Variants in POLE observed in about 807,000 individuals in gnomAD.
POLE encodes the protein DNA polymerase epsilon catalytic subunit A.
POLE carries 188 observed loss-of-function variants against 279.2 expected under a neutral mutation model. The observed-to-expected ratio is 0.67, with a 90% CI of 0.60 to 0.76. POLE has a LOEUF of 0.76. Among genes scored for constraint, POLE ranks in the 30% least tolerant of loss-of-function variants. The probability of loss-of-function intolerance (pLI) is 0.00; values close to 1 mark genes in which losing one functional copy is unlikely to be tolerated. For missense variants in POLE, 2,703 were observed against 3,016.7 expected, an observed-to-expected ratio of 0.90 and a Z score of 2.44; for synonymous variants, 1,214 against 1,172.5, an observed-to-expected ratio of 1.04 and a Z score of -0.72.
In POLE at chr12:132,661,053, G is replaced by GATCTTAATCA; in HGVS notation, c.2975_2976insTGATTAAGAT (p.Phe993AspfsTer2). 1 of 1,614,032 alleles carries GATCTTAATCA rather than the reference G, an allele frequency of 6.2e-7. No homozygotes were observed. Among genetic ancestry groups the GATCTTAATCA allele is most frequent in the Non-Finnish European group, 8.5e-7 (1 of 1,179,944 alleles). On this transcript the variant is annotated stop_gained and frameshift_variant, in exon 25 of 49. Transcript: ENST00000320574. LOFTEE classifies it high-confidence loss of function. This position sits in a 1 kb window ranked among gnomAD's most constrained non-coding sequence, Gnocchi z 4.1. ...CTTCCAGCGTGCTGCCCTTGAGGAA[G>GATCTTAATCA]GCCTCAAACACCGAGGATTGGAAGA...
At chr12:132,666,900 G>A (rs1349026108) in intron 20 of POLE, among the ~76,000 whole-genome samples, 2 of 152,206 alleles carry the variant, frequency 1.3e-5, no homozygotes, top group Non-Finnish European at 2.9e-5. Flanking sequence ...AAGAACATGT[G>A]ACGATGAGTT....
rs772915655 is a variant in POLE at position 132,643,010 on chromosome 12, G to A, written c.4552-14C>T. Reference sequence around the variant, plus strand: ...GTTGCTGCGCACCTAGACCAACGCAGGCCACGTCAGCCTCCCCCTGCGCAG... The same window carrying A: ...GTTGCTGCGCACCTAGACCAACGCAAGCCACGTCAGCCTCCCCCTGCGCAG... On this transcript the variant is annotated splice_polypyrimidine_tract_variant and intron_variant, in intron 35 of 48. Transcript: ENST00000320574. 7 of 1,578,846 alleles carry A rather than the reference G, an allele frequency of 4.4e-6. No individual in the cohort carries two copies. The East Asian group carries it at 1.3e-4, about 30-fold the overall frequency.
intron 1 of POLE, among the ~76,000 whole-genome samples, chr12:132,686,270 T>C (rs889915278): frequency 1.6e-4 from 25 of 151,976 alleles, no homozygotes; most frequent in African/African-American, 5.3e-4. Context: ...TTGCTCTATT[T>C]TTTTTGAGAC....
chr12:132,658,509 T>C (rs1378116610), intron 26 of POLE: 2 of 154,998 alleles, frequency 1.3e-5, no homozygotes, highest in Non-Finnish European at 2.9e-5. Context: ...TGCACGTTCA[T>C]AACCATGTCT....
chr12:132,665,496 C>G (rs1265321891), intron 20 of POLE, 46 bp from the exon 21 acceptor site: 1 of 1,571,276 alleles, frequency 6.4e-7, no homozygotes. Flanking sequence ...TCTTCCATTT[C>G]ACATTCTACA....
At position 132,634,224 on chromosome 12, in the gene POLE, G is replaced by C. The variant is rs745501021; in HGVS notation, c.5966C>G (p.Ala1989Gly). 1.2e-6 allele frequency: 2 copies of C among 1,613,908 alleles called. No homozygotes were observed. The highest frequency in any genetic ancestry group is 1.7e-6 in the Non-Finnish European group (2 of 1,179,786). Residue 1989 changes from alanine to glycine, a missense_variant, in exon 43 of 49, where the codon GCA becomes GGA. Ala to Gly is a moderately conservative substitution (Grantham distance 60, BLOSUM62 0). This residue lies in a region of POLE where 1,551 missense variants were observed against 1,686.1 expected (regional missense o/e 0.92). Coordinates refer to ENST00000320574, the MANE Select transcript of POLE (RefSeq NM_006231.4). This position sits in a 1 kb window ranked among gnomAD's most constrained non-coding sequence, Gnocchi z 4.0. ...NWNILQFLPQ[A>G]ASCQNYFLMI... ...GAGGAAGTAGTTCTGGCAGGAGGCT[G>C]CCTGTGGCAAAAACTGCAAAATGTT...
In POLE at chr12:132,641,802, C is replaced by A. The variant is rs184039394; in HGVS notation, c.5223G>T (p.Gln1741His). The stretch of plus-strand genomic sequence containing the variant: ...CCTCCATGTCGTTGACATGGTGAGA[C>A]TGGAGAATGGTGTTGACGGCCAGGT... ...LQNLAVNTIL[Q>H]SHHVNDMEGA... Residue 1741 changes from glutamine to histidine, a missense_variant, in exon 39 of 49, where the codon CAG (glutamine) becomes CAT (histidine). Physicochemically the swap from Gln to His is conservative, Grantham distance 24. This residue lies in a region of POLE where 1,551 missense variants were observed against 1,686.1 expected (regional missense o/e 0.92). Coordinates refer to ENST00000320574, the MANE Select transcript of POLE (RefSeq NM_006231.4). 2.2e-5 allele frequency: 35 copies of A among 1,605,270 alleles called. No individual in the cohort carries two copies. The highest frequency in any genetic ancestry group is 8.5e-7 in the Non-Finnish European group (1 of 1,179,966).
chr12:132,632,472 T>C lies in POLE; in HGVS notation c.6173A>G (p.Glu2058Gly), dbSNP rs908335718. ...ITFSQDYVAN[E>G]LTQSFFTITQ... ...GATGGTGAAGAAGCTCTGAGTGAGC[T>C]CATTTGCGACATAATCCTGAGAGAA... The change falls in exon 45 of 49, where the codon GAG becomes GGG. Residue 2058 changes from glutamate to glycine, a missense_variant. Glu to Gly is a moderately conservative substitution (Grantham distance 98). Around this residue, in one of 5 missense-constraint regions of POLE, gnomAD observed 1,551 missense variants for 1,686.1 expected, o/e 0.92. Coordinates refer to ENST00000320574, the MANE Select transcript of POLE (RefSeq NM_006231.4). 6.2e-7 allele frequency: 1 copy of C among 1,614,090 alleles called. No individual in the cohort carries two copies. Among genetic ancestry groups the C allele is most frequent in the Non-Finnish European group, 8.5e-7 (1 of 1,179,984 alleles).
chr12:132,683,391 T>C (rs2043207229), intron 1 of POLE, among the ~76,000 whole-genome samples: 1 of 152,140 alleles, frequency 6.6e-6, no homozygotes, highest in Admixed American at 6.5e-5. Flanking sequence ...AGGAAACAGA[T>C]TCTCCCCCGG....
chr12:132,669,683 G>A (rs1376164794), intron 16 of POLE, among the ~76,000 whole-genome samples: 4 of 152,066 alleles, frequency 2.6e-5, no homozygotes, highest in Non-Finnish European at 4.4e-5. Context: ...GCCCAGTAAC[G>A]GCGTGTTCTG....
chr12:132,641,050 C>T (rs1300228642), intron 39 of POLE: 2 of 456,738 alleles, frequency 4.4e-6, no homozygotes, highest in Admixed American at 4.7e-5. Context: ...ACCACAAAGG[C>T]AGCCCCTCTG....
chr12:132,673,568 T>G lies in POLE; in HGVS notation c.1359+7A>C, dbSNP rs774086345. On this transcript the variant is annotated splice_region_variant and intron_variant, in intron 13 of 48. Transcript: ENST00000320574. ...CAGCAGGGGCAGCCGGGATGTGGCT[T>G]ACGTGCCTGGGGCTGCTCCGTGGCC... The G allele has an allele frequency of 1.2e-6, 2 of 1,601,568 alleles. No individual in the cohort carries two copies. Among genetic ancestry groups the G allele is most frequent in the East Asian group, 4.5e-5 (2 of 44,560 alleles).
chr12:132,649,124 A>C, intron 31 of POLE, 52 bp from the exon 32 acceptor site: 1 of 1,581,610 alleles, frequency 6.3e-7, no homozygotes, highest in Middle Eastern at 2.1e-4. Flanking sequence ...TGGAACCCAC[A>C]GACGGGGCCA....
intron 32 of POLE, among the ~76,000 whole-genome samples, chr12:132,644,941 G>A (rs530102656): frequency 2.0e-5 from 1 of 49,222 alleles, no homozygotes; most frequent in African/African-American, 9.7e-5. Flanking sequence ...CTAGCTTCCT[G>A]TGTGGGGTCC....
chr12:132,649,617 G>A (rs1340173441), intron 30 of POLE, 60 bp downstream of exon 30: 17 of 1,602,566 alleles, frequency 1.1e-5, no homozygotes, highest in South Asian at 6.6e-5. Flanking sequence ...GACGCATCTC[G>A]GGCTCCCTGG....
chr12:132,658,072 G>T, intron 26 of POLE, 102 bp from the exon 27 acceptor site: 2 of 769,158 alleles, frequency 2.6e-6, no homozygotes, highest in South Asian at 3.0e-5. Context: ...ACGTGTAACA[G>T]CTGTTCACAA....
chr12:132,636,388 G>A (rs4883620), intron 41 of POLE, among the ~76,000 whole-genome samples: 74,844 of 145,568 alleles, frequency 0.51, 19,920 homozygotes, highest in East Asian at 0.7. Context: ...GTCACTCCTC[G>A]GTTAAGCCTC....
intron 29 of POLE, chr12:132,650,280 C>T (rs2042393600): frequency 4.4e-6 from 1 of 225,020 alleles, no homozygotes; most frequent in Middle Eastern, 1.7e-3. Flanking sequence ...ATAAGTATAT[C>T]ACCTGAAATG....
chr12:132,659,617 A>G (rs1228136220), intron 25 of POLE, 108 bp from the exon 26 acceptor site: 10 of 846,060 alleles, frequency 1.2e-5, no homozygotes, highest in Non-Finnish European at 1.9e-5. Context: ...TGAGACGCAG[A>G]AGGCTGCAAT....
Sources: gnomAD v4.1 joint callset for allele counts (sites outside exome capture counted in the v4.1 genomes callset) on GRCh38, gnomAD v4.1.1 for gene constraint, gnomAD v4.1.1 regional missense constraint, Gnocchi (gnomAD v3.1) non-coding constraint, MANE v1.5 for transcripts, NCBI Gene and HGNC (gene_info 2026-07-23, HGNC 2026-07-21) for gene names.